Variants in P2RY13 observed in about 807,000 individuals in gnomAD.
The protein encoded by P2RY13 is P2Y purinoceptor 13.
For synonymous variants in P2RY13, 150 were observed against 155.1 expected (o/e 0.97, Z 0.24); for missense variants, 412 against 418.4 (o/e 0.98, Z 0.13).
rs144128158 is a variant in P2RY13 at position 151,328,718 on chromosome 3, G to T, written c.338C>A (p.Ala113Asp). The change falls in exon 2 of 2, where the codon GCT (alanine) becomes GAT (aspartate). Residue 113 changes from alanine to aspartate, a missense_variant. Transcript: ENST00000325602. ...DSHLAPWQLR[A>D]FVCRFSSVIF... The stretch of plus-strand genomic sequence containing the variant: ...CACCGAAGAAAAACGACACACAAAA[G>T]CTCTGAGCTGCCAGGGTGCCAGGTG... The T allele has an allele frequency of 4.5e-3, 7,236 of 1,613,992 alleles. 25 individuals carry two copies. The highest frequency in any genetic ancestry group is 5.3e-3 in the Non-Finnish European group (6,236 of 1,179,950).
Position 151,328,733 on chromosome 3 carries a change from G to A in P2RY13, c.323C>T (p.Pro108Leu). 6.2e-7 allele frequency: 1 copy of A among 1,613,978 alleles called. No individual in the cohort carries two copies. Among genetic ancestry groups the A allele is most frequent in the East Asian group, 2.2e-5 (1 of 44,874 alleles). ...ACACACAAAAGCTCTGAGCTGCCAG[G>A]GTGCCAGGTGTGAGTCAGAGAGGAT... The part of the protein sequence containing the change: ...FKILSDSHLA[P>L]WQLRAFVCRF... The change falls in exon 2 of 2, where the codon CCC (proline) becomes CTC (leucine). Residue 108 changes from proline to leucine, a missense_variant. Pro to Leu is a moderately conservative substitution (Grantham distance 98, BLOSUM62 -3). Transcript: ENST00000325602.
intron 1 of P2RY13, 94 bp from the exon 2 acceptor site, chr3:151,329,101 A>G: frequency 1.1e-6 from 1 of 870,848 alleles, no homozygotes; most frequent in Non-Finnish European, 1.8e-6. Flanking sequence ...TTATGTTTAT[A>G]GCATATTAAC....
Position 151,328,715 on chromosome 3 carries a change from A to C in P2RY13, c.341T>G (p.Phe114Cys). 6.2e-7 allele frequency: 1 copy of C among 1,614,044 alleles called. No homozygotes were observed. The highest frequency in any genetic ancestry group is 8.5e-7 in the Non-Finnish European group (1 of 1,179,968). ...TATCACCGAAGAAAAACGACACACA[A>C]AAGCTCTGAGCTGCCAGGGTGCCAG... ...SHLAPWQLRA[F>C]VCRFSSVIFY... Residue 114 changes from phenylalanine to cysteine, a missense_variant, in exon 2 of 2, where the codon TTT (phenylalanine) becomes TGT (cysteine). Coordinates refer to ENST00000325602, the MANE Select transcript of P2RY13 (RefSeq NM_176894.3).
chr3:151,328,557 T>A lies in P2RY13; in HGVS notation c.499A>T (p.Ile167Phe). The A allele has an allele frequency of 6.2e-7, 1 of 1,613,786 alleles. No individual in the cohort carries two copies. The highest frequency in any genetic ancestry group is 8.5e-7 in the Non-Finnish European group (1 of 1,179,788). Reference sequence around the variant, plus strand: ...GAGATGAAGAACAAAAAGAACCAGATGAAGATTGAGACCGTTTTTGCAAAA... The same window carrying A: ...GAGATGAAGAACAAAAAGAACCAGAAGAAGATTGAGACCGTTTTTGCAAAA... Reference protein sequence around the residue: ...PVFAKTVSIFIWFFLFFISLP... With the variant: ...PVFAKTVSIFFWFFLFFISLP... Residue 167 changes from isoleucine to phenylalanine, a missense_variant, in exon 2 of 2, where the codon ATC becomes TTC. Ile to Phe is a conservative substitution (Grantham distance 21). Coordinates refer to ENST00000325602, the MANE Select transcript of P2RY13 (RefSeq NM_176894.3).
At position 151,328,087 on chromosome 3, in the gene P2RY13, T is replaced by C; in HGVS notation, c.969A>G (p.Lys323=). 6.2e-7 allele frequency: 1 copy of C among 1,610,080 alleles called. No individual in the cohort carries two copies. The highest frequency in any genetic ancestry group is 8.5e-7 in the Non-Finnish European group (1 of 1,178,708). ...GCATACATGGTAGCTTTTCTGTGAA[T>C]TTTTTACATAAGAATATGTATATTA... ...DPLIYIFLCK[K]FTEKLPCMQG... Residue 323 remains lysine (K), a synonymous_variant, in exon 2 of 2, where the codon AAA becomes AAG. Coordinates refer to ENST00000325602, the MANE Select transcript of P2RY13 (RefSeq NM_176894.3).
chr3:151,328,624 C>T lies in P2RY13; in HGVS notation c.432G>A (p.Lys144=). 6.2e-7 allele frequency: 1 copy of T among 1,613,696 alleles called. No homozygotes were observed. The highest frequency in any genetic ancestry group is 1.3e-5 in the African/African-American group (1 of 74,918). ...LGLIAFDRFL[K]IIRPLRNIFL... Reference sequence around the variant, plus strand: ...AAATATTTCTCAAAGGTCTGATGATCTTGAGGAATCTGTCAAAGGCTATGA... The same window carrying T: ...AAATATTTCTCAAAGGTCTGATGATTTTGAGGAATCTGTCAAAGGCTATGA... Residue 144 remains lysine (K), a synonymous_variant, in exon 2 of 2, where the codon AAG becomes AAA. Coordinates refer to ENST00000325602, the MANE Select transcript of P2RY13 (RefSeq NM_176894.3).
At position 151,328,049 on chromosome 3, in the gene P2RY13, G is replaced by A. The variant is rs1749861105; in HGVS notation, c.1007C>T (p.Thr336Ile). 1 of 1,605,462 alleles carries A rather than the reference G, an allele frequency of 6.2e-7. No individual in the cohort carries two copies. Among genetic ancestry groups the A allele is most frequent in the East Asian group, 2.2e-5 (1 of 44,806 alleles). Residue 336 changes from threonine to isoleucine, a missense_variant, in exon 2 of 2, where the codon ACC becomes ATC. Coordinates refer to ENST00000325602, the MANE Select transcript of P2RY13 (RefSeq NM_176894.3). ...EKLPCMQGRK[T>I]TASSQENHSS... ...ATGATTTTCTTGGCTTGATGCTGTGGTCTTTCTCCCTTGCATACATGGTAG... is the reference window on the plus strand; with the variant it reads ...ATGATTTTCTTGGCTTGATGCTGTGATCTTTCTCCCTTGCATACATGGTAG...
rs1437832398 is a variant in P2RY13 at position 151,329,050 on chromosome 3, G to T, written c.49-43C>A. ...ATATACAAACAAAAGAAAACAAAAA[G>T]CCCTTCATGATTTTCAAATGCTATT... is the stretch of plus-strand genomic sequence containing the variant. On this transcript the variant is annotated intron_variant, in intron 1 of 1. Coordinates refer to ENST00000325602, the MANE Select transcript of P2RY13 (RefSeq NM_176894.3). 7 of 1,399,776 alleles carry T rather than the reference G, an allele frequency of 5.0e-6. No individual in the cohort carries two copies. In the African/African-American group the frequency reaches 8.7e-5, roughly 17 times the overall value. 86.7% of individuals were successfully genotyped at this position (1,399,776 alleles called of 1,614,324 possible).
Position 151,327,917 on chromosome 3 carries a change from C to T in P2RY13, c.*74G>A. On this transcript the variant is annotated 3_prime_UTR_variant, in exon 2 of 2. Coordinates refer to ENST00000325602, the MANE Select transcript of P2RY13 (RefSeq NM_176894.3). ...AGAGCATTTGTTCCAATCTTTTTTT[C>T]TTGGTTAAATTTGATTTCCACATTA... 2 of 1,073,046 alleles carry T rather than the reference C, an allele frequency of 1.9e-6. No individual in the cohort carries two copies. Among genetic ancestry groups the T allele is most frequent in the East Asian group, 2.5e-5 (1 of 40,280 alleles). The allele number at this position is 1,073,046 out of a possible 1,614,324, so 66.5% of individuals were successfully genotyped here.
intron 1 of P2RY13, 72 bp downstream of exon 1, chr3:151,329,409 G>C (rs540656328): frequency 1.2e-5 from 11 of 918,734 alleles, no homozygotes; most frequent in Non-Finnish European, 1.9e-5. Context: ...TAACTTTAAA[G>C]CACCTTTTTT....
rs1254774262 is a variant in P2RY13, at chr3:151,326,494, G to T, written c.*1497C>A. 1 of 152,482 alleles carries T rather than the reference G, an allele frequency of 6.6e-6. No individual in the cohort carries two copies. The highest frequency in any genetic ancestry group is 1.5e-5 in the Non-Finnish European group (1 of 68,022). 9.4% of individuals were successfully genotyped at this position (152,482 alleles called of 1,614,324 possible). A position where few individuals can be genotyped will look rare whatever the true frequency, so the allele number is the denominator to read the frequency against. On this transcript the variant is annotated 3_prime_UTR_variant, in exon 2 of 2. Coordinates refer to ENST00000325602, the MANE Select transcript of P2RY13 (RefSeq NM_176894.3). ...GGTGATTGGGTTTGAGGTGATGGTG[G>T]GATATTGGCCAGGTAATATTTCATG...
Position 151,328,862 on chromosome 3 carries a change from G to A in P2RY13, c.194C>T (p.Ala65Val), listed in dbSNP as rs1750009887. 3 of 1,613,918 alleles carry A rather than the reference G, an allele frequency of 1.9e-6. No homozygotes were observed. Among genetic ancestry groups the A allele is most frequent in the Non-Finnish European group, 2.5e-6 (3 of 1,179,948 alleles). Residue 65 changes from alanine (A) to valine (V), a missense_variant, in exon 2 of 2, where the codon GCT becomes GTT. Physicochemically the swap from Ala to Val is moderately conservative, Grantham distance 64. Transcript: ENST00000325602. ...GGGGATGTGAACAAACACCCACAGA[G>A]CCAAAGTATTCAGCAGGATGCCGGT... ...FLTGILLNTL[A>V]LWVFVHIPSS... is the part of the protein sequence containing the mutation.
Position 151,328,385 on chromosome 3 carries a change from A to G in P2RY13, c.671T>C (p.Met224Thr). 1 of 1,613,750 alleles carries G rather than the reference A, an allele frequency of 6.2e-7. No individual in the cohort carries two copies. The highest frequency in any genetic ancestry group is 8.5e-7 in the Non-Finnish European group (1 of 1,179,814). ...TGCAATAACCACATAAAACACAAGCATTAGGATAAAAACAGTCCAGAAAAT... is the reference window on the plus strand; with the variant it reads ...TGCAATAACCACATAAAACACAAGCGTTAGGATAAAAACAGTCCAGAAAAT... ...QFIFWTVFIL[M>T]LVFYVVIAKK... The change falls in exon 2 of 2, where the codon ATG (methionine) becomes ACG (threonine). Residue 224 changes from methionine (M) to threonine (T), a missense_variant. Coordinates refer to ENST00000325602, the MANE Select transcript of P2RY13 (RefSeq NM_176894.3).
In P2RY13 at chr3:151,327,997, T is replaced by C; in HGVS notation, c.1059A>G (p.Leu353=). 1.9e-6 allele frequency: 3 copies of C among 1,559,852 alleles called. No individual in the cohort carries two copies. Among genetic ancestry groups the C allele is most frequent in the Non-Finnish European group, 2.6e-6 (3 of 1,158,712 alleles). Residue 353 remains leucine, a synonymous_variant, in exon 2 of 2, where the codon TTA becomes TTG. Coordinates refer to ENST00000325602, the MANE Select transcript of P2RY13 (RefSeq NM_176894.3). ...TTAACCCTATGTACAGTTGTCAGCC[T>C]AAGGTTATGTTGTCTGTCTGACTGC... ...NHSSQTDNIT[L]G
Position 151,326,351 on chromosome 3 carries a change from A to G in P2RY13, c.*1640T>C, listed in dbSNP as rs983738747. On this transcript the variant is annotated 3_prime_UTR_variant, in exon 2 of 2. Transcript: ENST00000325602. ...CATTTATTGATTGCACAATGAAACA[A>G]TCTCTCCTTTCAGATATATACATCA... 1.0e-4 allele frequency: 16 copies of G among 152,636 alleles called. No homozygotes were observed. Among genetic ancestry groups the G allele is most frequent in the African/African-American group, 3.1e-4 (13 of 41,456 alleles). The allele number at this position is 152,636 out of a possible 1,614,324, so 9.5% of individuals were successfully genotyped here.
chr3:151,328,663 G>T lies in P2RY13; in HGVS notation c.393C>A (p.Ile131=), dbSNP rs748750804. ...CAAAGGCTATGAGCCCTAACAGCACGATGCCCACATACATGGTCTCATAAA... is the reference window on the plus strand; with the variant it reads ...CAAAGGCTATGAGCCCTAACAGCACTATGCCCACATACATGGTCTCATAAA... ...VIFYETMYVG[I]VLLGLIAFDR... Residue 131 remains isoleucine (I), a synonymous_variant, in exon 2 of 2, where the codon ATC becomes ATA. Coordinates refer to ENST00000325602, the MANE Select transcript of P2RY13 (RefSeq NM_176894.3). 1 of 1,613,778 alleles carries T rather than the reference G, an allele frequency of 6.2e-7. No homozygotes were observed.
rs1207444210 is a variant in P2RY13 at position 151,329,472 on chromosome 3, G to C, written c.48+9C>G. On this transcript the variant is annotated intron_variant, in intron 1 of 1. Transcript: ENST00000325602. The stretch of plus-strand genomic sequence containing the variant: ...AAGCACACTCATAATAACAAAAATT[G>C]AAATTCACCTTTGGGAGGATACTCA... 6.5e-7 allele frequency: 1 copy of C among 1,530,042 alleles called. No homozygotes were observed. The highest frequency in any genetic ancestry group is 1.4e-5 in the African/African-American group (1 of 72,318). 94.8% of individuals were successfully genotyped at this position (1,530,042 alleles called of 1,614,324 possible).
In P2RY13 at chr3:151,326,341, C is replaced by T. The variant is rs1354514351; in HGVS notation, c.*1650G>A. ...TTTTATCAAACATTTATTGATTGCA[C>T]AATGAAACAATCTCTCCTTTCAGAT... is the stretch of plus-strand genomic sequence containing the variant. On this transcript the variant is annotated 3_prime_UTR_variant, in exon 2 of 2. Coordinates refer to ENST00000325602, the MANE Select transcript of P2RY13 (RefSeq NM_176894.3). 1 of 152,514 alleles carries T rather than the reference C, an allele frequency of 6.6e-6. No homozygotes were observed. The highest frequency in any genetic ancestry group is 2.4e-5 in the African/African-American group (1 of 41,404). The allele number at this position is 152,514 out of a possible 1,614,324, so 9.4% of individuals were successfully genotyped here.
rs1364421311 is a variant in P2RY13 at position 151,327,532 on chromosome 3, G to C, written c.*459C>G. The C allele has an allele frequency of 6.6e-6, 1 of 151,804 alleles. No homozygotes were observed. The highest frequency in any genetic ancestry group is 1.5e-5 in the Non-Finnish European group (1 of 68,114). The allele number at this position is 151,804 out of a possible 1,614,324, so 9.4% of individuals were successfully genotyped here. A position where few individuals can be genotyped will look rare whatever the true frequency, so the allele number is the denominator to read the frequency against. ...AAGTCTGCATCCCTTTCAACCCCTGGCTGCAGTTTTCAGCAATGGACTTCA... is the reference window on the plus strand; with the variant it reads ...AAGTCTGCATCCCTTTCAACCCCTGCCTGCAGTTTTCAGCAATGGACTTCA... On this transcript the variant is annotated 3_prime_UTR_variant, in exon 2 of 2. Transcript: ENST00000325602.
Sources: gnomAD v4.1 joint callset for allele counts on GRCh38, gnomAD v4.1.1 for gene constraint, MANE v1.5 for transcripts, NCBI Gene and HGNC (gene_info 2026-07-23, HGNC 2026-07-21) for gene names.